PRDM5: variants seen among roughly 807,000 people sequenced by gnomAD.
The protein encoded by PRDM5 is PR/SET domain 5.
In PRDM5, 56 loss-of-function variants were observed where a neutral mutation model predicts 81.2. The observed-to-expected ratio is 0.69, with a 90% CI of 0.56 to 0.86. The LOEUF (loss-of-function observed/expected upper bound fraction) is 0.86, where lower values mean the gene tolerates loss of function less well. Among genes scored for constraint, PRDM5 ranks in the 40% least tolerant of loss-of-function variants. PRDM5 has a pLI of 0.00. For missense variants in PRDM5, 697 were observed against 770.1 expected, an observed-to-expected ratio of 0.91 and a Z score of 1.12; for synonymous variants, 267 against 256.4, an observed-to-expected ratio of 1.04 and a Z score of -0.39.
chr4:120,699,113 G>A (rs1282581398), intron 15 of PRDM5, among the ~76,000 whole-genome samples: 2 of 140,918 alleles, frequency 1.4e-5, no homozygotes, highest in Non-Finnish European at 3.0e-5. Flanking sequence ...TACATATTTA[G>A]GGCCAAAGTC....
intron 3 of PRDM5, among the ~76,000 whole-genome samples, chr4:120,840,476 G>A (rs1159870639): frequency 6.6e-6 from 1 of 152,100 alleles, no homozygotes; most frequent in African/African-American, 2.4e-5. Flanking sequence ...TAGGAACCCA[G>A]CACCCTCAGC....
chr4:120,830,104 A>G lies in PRDM5; in HGVS notation c.301-8759T>C, dbSNP rs75254446. On this transcript the variant is annotated intron_variant, in intron 3 of 15. Coordinates refer to ENST00000264808, the MANE Select transcript of PRDM5 (RefSeq NM_018699.4). ...TCATTTCCACATTAAAATTCACAAA[A>G]TGTATCTATAATCCAACAATAAAAC... Among the ~76,000 whole-genome samples, 1,284 of 152,190 alleles carry G rather than the reference A, an allele frequency of 8.4e-3. 22 individuals carry two copies. The highest frequency in any genetic ancestry group is 0.03 in the African/African-American group (1,228 of 41,516).
intron 13 of PRDM5, among the ~76,000 whole-genome samples, chr4:120,769,426 C>A (rs866257872): frequency 2.0e-5 from 3 of 151,990 alleles, no homozygotes; most frequent in Non-Finnish European, 4.4e-5. Context: ...GAAAGTAACA[C>A]GTAATTGGAG....
intron 3 of PRDM5, among the ~76,000 whole-genome samples, chr4:120,823,622 A>G (rs1272561051): frequency 6.6e-6 from 1 of 152,130 alleles, no homozygotes; most frequent in African/African-American, 2.4e-5. Flanking sequence ...TGATCATCCT[A>G]CAAATCCTGC....
At chr4:120,832,374 C>A (rs561533829) in intron 3 of PRDM5, among the ~76,000 whole-genome samples, 1 of 152,202 alleles carries the variant, frequency 6.6e-6, no homozygotes, top group South Asian at 2.1e-4. Context: ...ATTATCTCTA[C>A]CTGATTCCTC....
chr4:120,759,895 A>G (rs1486648383), intron 13 of PRDM5, among the ~76,000 whole-genome samples: 2 of 152,256 alleles, frequency 1.3e-5, no homozygotes, highest in East Asian at 3.8e-4. Flanking sequence ...AAATAATAAC[A>G]ATAGCTAAAA....
intron 3 of PRDM5, 64 bp from the exon 4 acceptor site, chr4:120,821,409 T>C: frequency 4.8e-6 from 7 of 1,458,852 alleles, no homozygotes; most frequent in Non-Finnish European, 6.7e-6. Context: ...AAGAAATAAT[T>C]TTAAGATACA....
chr4:120,784,462 AG>A (rs1431760202), intron 11 of PRDM5, among the ~76,000 whole-genome samples: 5 of 152,144 alleles, frequency 3.3e-5, no homozygotes, highest in Admixed American at 2.0e-4. Context: ...AGCACCTATC[AG>A]GGACCTGTTT....
intron 13 of PRDM5, among the ~76,000 whole-genome samples, chr4:120,761,917 T>G (rs1511311): frequency 0.15 from 22,536 of 152,048 alleles, 2,570 homozygotes; most frequent in African/African-American, 0.3. Flanking sequence ...ATGCAAAATT[T>G]TGAAGATGAT....
chr4:120,816,418 G>A (rs2149336322), intron 7 of PRDM5, 35 bp downstream of exon 7: 1 of 1,614,074 alleles, frequency 6.2e-7, no homozygotes, highest in East Asian at 2.2e-5. Context: ...GGGAAAGGAA[G>A]CCCCTTCGGA....
intron 13 of PRDM5, chr4:120,762,891 C>T (rs1442535272): frequency 6.6e-6 from 1 of 152,104 alleles, no homozygotes; most frequent in Admixed American, 6.6e-5. Context: ...CAACAAAAAC[C>T]TGAACTTGAC....
At chr4:120,749,497 C>G (rs1017579988) in intron 14 of PRDM5, among the ~76,000 whole-genome samples, 2 of 152,262 alleles carry the variant, frequency 1.3e-5, no homozygotes, top group African/African-American at 2.4e-5. Flanking sequence ...CTTGAAGGAA[C>G]CCATCTGCTT....
chr4:120,833,913 T>C (rs537154127), intron 3 of PRDM5, among the ~76,000 whole-genome samples: 2 of 152,260 alleles, frequency 1.3e-5, no homozygotes, highest in Non-Finnish European at 2.9e-5. Context: ...CTGTGAAAGC[T>C]AGATAAGTCC....
At chr4:120,743,157 G>C (rs1386015465) in intron 14 of PRDM5, among the ~76,000 whole-genome samples, 7 of 151,788 alleles carry the variant, frequency 4.6e-5, no homozygotes, top group Admixed American at 3.9e-4. Context: ...TTTCAACCCA[G>C]AATTTCATAT....
intron 3 of PRDM5, among the ~76,000 whole-genome samples, chr4:120,830,595 A>G (rs993813563): frequency 3.3e-5 from 5 of 152,106 alleles, no homozygotes; most frequent in Non-Finnish European, 5.9e-5. Context: ...TTTATTTGAA[A>G]ATAAGAAGCA....
At chr4:120,822,844 A>T (rs922386042) in intron 3 of PRDM5, among the ~76,000 whole-genome samples, 3 of 152,230 alleles carry the variant, frequency 2.0e-5, no homozygotes, top group Non-Finnish European at 4.4e-5. Context: ...TGCTACACTT[A>T]ATGTATAGAC....
At chr4:120,902,738 T>C (rs1199401648) in intron 2 of PRDM5, among the ~76,000 whole-genome samples, 2 of 152,192 alleles carry the variant, frequency 1.3e-5, no homozygotes, top group African/African-American at 4.8e-5. Flanking sequence ...ACTCAGTCTA[T>C]TCAGAGACCA....
chr4:120,875,047 G>A (rs959605378), intron 2 of PRDM5, among the ~76,000 whole-genome samples: 5 of 152,170 alleles, frequency 3.3e-5, no homozygotes, highest in Admixed American at 1.3e-4. Flanking sequence ...TCTGATGGGC[G>A]GTGGACGGAG....
intron 3 of PRDM5, among the ~76,000 whole-genome samples, chr4:120,829,733 T>G (rs1221072002): frequency 1.3e-5 from 2 of 152,044 alleles, no homozygotes; most frequent in Non-Finnish European, 2.9e-5. Context: ...TTCATTATAT[T>G]GAAAAGGTAG....
Sources: allele counts gnomAD v4.1 joint callset (sites outside exome capture counted in the v4.1 genomes callset), GRCh38; gene constraint gnomAD v4.1.1; transcripts MANE v1.5; gene names NCBI Gene and HGNC (gene_info 2026-07-23, HGNC 2026-07-21).